NCK2: variants seen among roughly 807,000 people sequenced by gnomAD.
NCK2 encodes cytoplasmic protein NCK2.
NCK2 carries 16 observed loss-of-function variants against 33.9 expected under a neutral mutation model. That is an observed-to-expected ratio of 0.47 (90% CI 0.32 to 0.72). NCK2 has a LOEUF of 0.72. Ranked by LOEUF, NCK2 falls within the 30% of genes least tolerant of loss-of-function variation. The pLI is 0.03. For missense variants in NCK2, 418 were observed against 537.3 expected, an observed-to-expected ratio of 0.78 and a Z score of 2.19; for synonymous variants, 273 against 239.9, an observed-to-expected ratio of 1.14 and a Z score of -1.27.
intron 4 of NCK2, among the ~76,000 whole-genome samples, chr2:105,889,378 A>T (rs1441955794): frequency 1.3e-5 from 2 of 152,162 alleles, no homozygotes; most frequent in Non-Finnish European, 2.9e-5. Flanking sequence ...CTGGTGACCA[A>T]ACATTTGTTG....
intron 2 of NCK2, among the ~76,000 whole-genome samples, chr2:105,820,866 G>A (rs1410459749): frequency 1.3e-5 from 2 of 152,196 alleles, no homozygotes; most frequent in African/African-American, 2.4e-5. Flanking sequence ...TGGCTTAGAT[G>A]ACACAACTCA....
Position 105,881,315 on chromosome 2 carries a change from T to G in NCK2, c.227-13T>G, listed in dbSNP as rs1431079711. 2 of 1,574,716 alleles carry G rather than the reference T, an allele frequency of 1.3e-6. No individual in the cohort carries two copies. Among genetic ancestry groups the G allele is most frequent in the African/African-American group, 2.7e-5 (2 of 74,548 alleles). On this transcript the variant is annotated splice_polypyrimidine_tract_variant and intron_variant, in intron 3 of 4. Coordinates refer to ENST00000233154, the MANE Select transcript of NCK2 (RefSeq NM_003581.5). ...AGTGCCCTGCGCCACTGAGCCTTGCTGTGTCTCCACAGGCCTCGGCAAGAC... is the reference window on the plus strand; with the variant it reads ...AGTGCCCTGCGCCACTGAGCCTTGCGGTGTCTCCACAGGCCTCGGCAAGAC...
chr2:105,751,779 T>C, intron 1 of NCK2, among the ~76,000 whole-genome samples: 1 of 151,966 alleles, frequency 6.6e-6, no homozygotes, highest in African/African-American at 2.4e-5. Flanking sequence ...CAGAAAATGG[T>C]GCGTATGTGT....
At position 105,796,652 on chromosome 2, in the gene NCK2, C is replaced by T. The variant is rs186629196; in HGVS notation, c.-200-19778C>T. Among the ~76,000 whole-genome samples, 75 of 152,222 alleles carry T rather than the reference C, an allele frequency of 4.9e-4. 2 individuals are homozygous for T. Among genetic ancestry groups the T allele is most frequent in the Admixed American group, 2.2e-3 (34 of 15,294 alleles). ...TTGCATTTGGCAAGGAAGAGTATCCCGTAGTTTAGTGTTATTCCAGAAGCT... is the reference window on the plus strand; with the variant it reads ...TTGCATTTGGCAAGGAAGAGTATCCTGTAGTTTAGTGTTATTCCAGAAGCT... On this transcript the variant is annotated intron_variant, in intron 1 of 4. Transcript: ENST00000233154.
chr2:105,755,217 C>T (rs1689567103), intron 1 of NCK2, among the ~76,000 whole-genome samples: 1 of 152,190 alleles, frequency 6.6e-6, no homozygotes, highest in Non-Finnish European at 1.5e-5. Flanking sequence ...GTCTATTTTA[C>T]ATGGTTCGGT....
intron 2 of NCK2, among the ~76,000 whole-genome samples, chr2:105,850,614 T>C (rs1425256007): frequency 6.6e-6 from 1 of 152,246 alleles, no homozygotes; most frequent in Non-Finnish European, 1.5e-5. Flanking sequence ...TAACTAGCTG[T>C]AGTAATGAAG....
intron 4 of NCK2, among the ~76,000 whole-genome samples, chr2:105,886,322 T>C (rs148537946): frequency 2.6e-4 from 40 of 152,360 alleles, no homozygotes; most frequent in African/African-American, 9.1e-4. Flanking sequence ...CTGATTCTGA[T>C]TCTCAAATGG....
intron 4 of NCK2, among the ~76,000 whole-genome samples, chr2:105,890,829 T>C (rs1678941330): frequency 6.6e-6 from 1 of 152,312 alleles, no homozygotes; most frequent in South Asian, 2.1e-4. Context: ...ATCAAACATT[T>C]ATTTGGGCTT....
intron 1 of NCK2, among the ~76,000 whole-genome samples, chr2:105,780,632 G>A (rs1035824367): frequency 3.3e-5 from 5 of 152,202 alleles, no homozygotes; most frequent in Non-Finnish European, 5.9e-5. Flanking sequence ...TGGTCTGAAT[G>A]TGTCCCTCAT....
intron 2 of NCK2, among the ~76,000 whole-genome samples, chr2:105,830,683 G>GTA (rs1272036406): frequency 2.4e-5 from 3 of 124,654 alleles, no homozygotes; most frequent in African/African-American, 9.1e-5. Context: ...GTGTGTGTGT[G>GTA]TGTGTGTGTG....
chr2:105,790,747 C>A (rs1280428965), intron 1 of NCK2, among the ~76,000 whole-genome samples: 1 of 152,184 alleles, frequency 6.6e-6, no homozygotes, highest in Non-Finnish European at 1.5e-5. Context: ...GAGACTGTAC[C>A]TGTTTCTTTA....
rs1435610049 is a variant in NCK2, at chr2:105,751,357, T to C, written c.-201+6219T>C. 2.0e-5 allele frequency among the ~76,000 whole-genome samples: 3 copies of C among 152,138 alleles called. No homozygotes were observed. In the South Asian group the frequency reaches 6.2e-4, roughly 32 times the overall value. On this transcript the variant is annotated intron_variant, in intron 1 of 4. Transcript: ENST00000233154. ...GTTTCCCCTGGACATCAAAACCACT[T>C]TTTAACCATTCCTGCCAATCCATCC...
chr2:105,847,795 CTT>C (rs1318124407), intron 2 of NCK2, among the ~76,000 whole-genome samples: 1 of 152,136 alleles, frequency 6.6e-6, no homozygotes, highest in Non-Finnish European at 1.5e-5. Context: ...GACTACACCT[CTT>C]TGTTTGTAAA....
chr2:105,783,591 C>T (rs895298941), intron 1 of NCK2, among the ~76,000 whole-genome samples: 5 of 152,192 alleles, frequency 3.3e-5, no homozygotes, highest in Admixed American at 1.3e-4. Context: ...CAGCCGTTCG[C>T]GGAGAATAAT....
chr2:105,789,200 T>C (rs1306176007), intron 1 of NCK2, among the ~76,000 whole-genome samples: 2 of 152,162 alleles, frequency 1.3e-5, no homozygotes, highest in African/African-American at 2.4e-5. Context: ...TCTTTTTCTT[T>C]TTTTGGAGAC....
At chr2:105,802,852 T>C (rs1290381070) in intron 1 of NCK2, among the ~76,000 whole-genome samples, 1 of 151,880 alleles carries the variant, frequency 6.6e-6, no homozygotes, top group Non-Finnish European at 1.5e-5. Flanking sequence ...GGAATTCCCC[T>C]TTTTTGTCGC....
At chr2:105,858,225 A>G (rs1677368774) in intron 3 of NCK2, among the ~76,000 whole-genome samples, 2 of 152,040 alleles carry the variant, frequency 1.3e-5, no homozygotes, top group Non-Finnish European at 2.9e-5. Context: ...AAACAGCATC[A>G]AAAGTACACC....
chr2:105,758,112 T>C (rs543836591), intron 1 of NCK2, among the ~76,000 whole-genome samples: 31 of 152,346 alleles, frequency 2.0e-4, no homozygotes, highest in African/African-American at 7.2e-4. Context: ...GCTTTATCTC[T>C]TAAAAATGAG....
rs764493809 is a variant in NCK2 at position 105,881,824 on chromosome 2, G to A, written c.723G>A (p.Arg241=). Residue 241 remains arginine (R), a synonymous_variant, in exon 4 of 5, where the codon CGG becomes CGA. Transcript: ENST00000233154. ...DPEWWKCKNA[R]GQVGLVPKNY... ...AGTGGTGGAAATGCAAAAATGCCCG[G>A]GGCCAGGTGGGCCTCGTCCCCAAAA... 6.2e-7 allele frequency: 1 copy of A among 1,606,742 alleles called. No homozygotes were observed. Among genetic ancestry groups the A allele is most frequent in the Non-Finnish European group, 8.5e-7 (1 of 1,175,694 alleles).
Sources: allele counts gnomAD v4.1 joint callset (sites outside exome capture counted in the v4.1 genomes callset), GRCh38; gene constraint gnomAD v4.1.1; transcripts MANE v1.5; gene names NCBI Gene and HGNC (gene_info 2026-07-23, HGNC 2026-07-21).